RNF6: variants seen among roughly 807,000 people sequenced by gnomAD.
RNF6 encodes E3 ubiquitin-protein ligase RNF6.
Under a neutral mutation model 50.1 loss-of-function variants are expected in RNF6, and 21 were observed. The ratio of observed to expected loss-of-function variants is 0.42; its 90% CI spans 0.30 to 0.60. The LOEUF (loss-of-function observed/expected upper bound fraction) is 0.60, where lower values mean the gene tolerates loss of function less well. Ranked by LOEUF, RNF6 falls within the 20% of genes least tolerant of loss-of-function variation. RNF6 has a pLI of 0.20. For missense variants in RNF6, 698 were observed against 838.2 expected (o/e 0.83, Z 2.07); for synonymous variants, 255 against 291.8 (o/e 0.87, Z 1.29).
At chr13:26,198,236 G>A (rs1868755044) in intron 5 of RNF6, among the ~76,000 whole-genome samples, 1 of 151,504 alleles carries the variant, frequency 6.6e-6, no homozygotes, top group Non-Finnish European at 1.5e-5. Flanking sequence ...TTGCAGTGTA[G>A]GCCAGCAGGA....
intron 5 of RNF6, among the ~76,000 whole-genome samples, chr13:26,187,383 A>T (rs1330700678): frequency 6.6e-6 from 1 of 152,230 alleles, no homozygotes; most frequent in African/African-American, 2.4e-5. Flanking sequence ...TGGGATGTCC[A>T]GTGTGAGAAT....
At chr13:26,191,997 T>A (rs1868482774) in intron 5 of RNF6, among the ~76,000 whole-genome samples, 1 of 152,162 alleles carries the variant, frequency 6.6e-6, no homozygotes, top group Non-Finnish European at 1.5e-5. Context: ...GGCCCTATAA[T>A]GGGAGCATGT....
chr13:26,172,415 A>G (rs1566419370), intron 5 of RNF6, among the ~76,000 whole-genome samples: 1 of 152,266 alleles, frequency 6.6e-6, no homozygotes, highest in Non-Finnish European at 1.5e-5. Context: ...TAAAGGAACA[A>G]TTTCTTCAAA....
At chr13:26,165,129 G>T (rs970459543) in intron 5 of RNF6, among the ~76,000 whole-genome samples, 4 of 152,150 alleles carry the variant, frequency 2.6e-5, no homozygotes, top group African/African-American at 9.7e-5. Flanking sequence ...GGGACTCGGC[G>T]CCCTGCATTC....
chr13:26,165,214 C>A (rs1382002292), intron 5 of RNF6, among the ~76,000 whole-genome samples: 8 of 152,194 alleles, frequency 5.3e-5, no homozygotes, highest in African/African-American at 1.9e-4. Context: ...AAACCTCAAG[C>A]CTTGGCAGCT....
chr13:26,152,244 G>T (rs894175946), intron 5 of RNF6, among the ~76,000 whole-genome samples: 1 of 152,210 alleles, frequency 6.6e-6, no homozygotes, highest in Non-Finnish European at 1.5e-5. Context: ...AAAGGATTCA[G>T]TGTGAAAGTT....
At chr13:26,204,537 A>AAAAG (rs925177699) in intron 5 of RNF6, among the ~76,000 whole-genome samples, 1 of 151,902 alleles carries the variant, frequency 6.6e-6, no homozygotes, top group Non-Finnish European at 1.5e-5. Flanking sequence ...AGAAAAAGAA[A>AAAAG]AAAGAAAAGG....
At chr13:26,152,679 T>C (rs1871683069) in intron 5 of RNF6, among the ~76,000 whole-genome samples, 1 of 152,168 alleles carries the variant, frequency 6.6e-6, no homozygotes, top group Admixed American at 6.5e-5. Flanking sequence ...CAAATTCTTA[T>C]CTCAAAGCTT....
At chr13:26,201,957 C>A (rs1566431580) in intron 5 of RNF6, among the ~76,000 whole-genome samples, 1 of 152,078 alleles carries the variant, frequency 6.6e-6, no homozygotes, top group African/African-American at 2.4e-5. Context: ...ATGGGGACCA[C>A]AAAAAGAGGC....
At chr13:26,157,702 C>A (rs1872000710) in intron 5 of RNF6, among the ~76,000 whole-genome samples, 1 of 152,134 alleles carries the variant, frequency 6.6e-6, no homozygotes, top group African/African-American at 2.4e-5. Context: ...TTGACCAATT[C>A]CAGCATCAGT....
chr13:26,180,259 G>T (rs1873172279), intron 5 of RNF6, among the ~76,000 whole-genome samples: 1 of 152,084 alleles, frequency 6.6e-6, no homozygotes, highest in South Asian at 2.1e-4. Context: ...ACCTATGCTG[G>T]GTATGAGGAC....
intron 5 of RNF6, among the ~76,000 whole-genome samples, chr13:26,174,919 C>T (rs1189663977): frequency 6.6e-6 from 1 of 152,132 alleles, no homozygotes; most frequent in Non-Finnish European, 1.5e-5. Flanking sequence ...ACTCTAACGG[C>T]CTCGGTTGAA....
Position 26,183,549 on chromosome 13 carries a change from C to T in RNF6, n.768+31925G>A, listed in dbSNP as rs996251214. Among the ~76,000 whole-genome samples the T allele has an allele frequency of 4.6e-5, 7 of 152,102 alleles. No homozygotes were observed. The South Asian group carries it at 6.2e-4, about 14-fold the overall frequency. On this transcript the variant is annotated intron_variant and non_coding_transcript_variant, in intron 5 of 5. Transcript: ENST00000468480. ...TCACTTATGATCATTTGCCTCCCTG[C>T]GTATATCCATAGTAGATTGTGAGCA...
chr13:26,217,874 G>A (rs192984121), intron 4 of RNF6, among the ~76,000 whole-genome samples: 26 of 152,300 alleles, frequency 1.7e-4, no homozygotes, highest in Admixed American at 6.5e-4. Context: ...GACTGTTAAC[G>A]TAAGTAAGAA....
chr13:26,138,072 G>A (rs1870742011), intron 5 of RNF6, among the ~76,000 whole-genome samples: 1 of 152,098 alleles, frequency 6.6e-6, no homozygotes, highest in South Asian at 2.1e-4. Context: ...TCAAACTACT[G>A]AAAGGCAAAG....
intron 5 of RNF6, among the ~76,000 whole-genome samples, chr13:26,158,565 A>G (rs925512549): frequency 2.6e-5 from 4 of 152,234 alleles, no homozygotes; most frequent in Non-Finnish European, 5.9e-5. Flanking sequence ...TAATTATTCA[A>G]TTGACTATCA....
At chr13:26,181,478 G>A (rs1873240707) in intron 5 of RNF6, among the ~76,000 whole-genome samples, 1 of 152,188 alleles carries the variant, frequency 6.6e-6, no homozygotes, top group Non-Finnish European at 1.5e-5. Flanking sequence ...GATGTCAGGG[G>A]TGGCCTGCAC....
chr13:26,179,024 T>C (rs1300196733), intron 5 of RNF6, among the ~76,000 whole-genome samples: 7 of 152,226 alleles, frequency 4.6e-5, no homozygotes, highest in Non-Finnish European at 4.4e-5. Flanking sequence ...AGAAATGCTG[T>C]GCACTGGTGT....
chr13:26,149,939 G>A (rs1167482306), intron 5 of RNF6, among the ~76,000 whole-genome samples: 3 of 84,580 alleles, frequency 3.5e-5, no homozygotes, highest in Non-Finnish European at 5.0e-5. Flanking sequence ...TATACACAGT[G>A]TATATATAAT....
Sources: allele counts gnomAD v4.1 joint callset (sites outside exome capture counted in the v4.1 genomes callset), GRCh38; gene constraint gnomAD v4.1.1; transcripts MANE v1.5; gene names NCBI Gene and HGNC (gene_info 2026-07-23, HGNC 2026-07-21).